The following KANK1 variants were observed in gnomAD, a reference collection of about 807,000 sequenced individuals.
KANK1 encodes the protein KN motif and ankyrin repeat domains 1.
In KANK1, 109 loss-of-function variants were observed where a neutral mutation model predicts 106.2. The observed-to-expected ratio is 1.03, with a 90% CI of 0.88 to 1.20. The LOEUF (loss-of-function observed/expected upper bound fraction) is 1.20. Ranked by LOEUF, KANK1 falls within the 50% of genes most tolerant of loss-of-function variation. The pLI is 0.00. For synonymous variants in KANK1, 873 were observed against 652.2 expected, an observed-to-expected ratio of 1.34 and a Z score of -5.16; for missense variants, 2,399 against 1,710.7, an observed-to-expected ratio of 1.40 and a Z score of -7.10.
At chr9:694,871 A>G (rs1223792202) in intron 2 of KANK1, among the ~76,000 whole-genome samples, 3 of 152,120 alleles carry the variant, frequency 2.0e-5, no homozygotes, top group Non-Finnish European at 4.4e-5. Context: ...GCAGAGGGGA[A>G]GACTGCAGGC....
chr9:724,100 C>CA lies in KANK1; in HGVS notation c.2699-5942dup, dbSNP rs911271301. On this transcript the variant is annotated intron_variant, in intron 3 of 11. Coordinates refer to ENST00000382297, the MANE Select transcript of KANK1 (RefSeq NM_015158.5). ...TGGGTGACAGAGTGAGATGCCATAT[C>CA]AAAAAAAAAGACTATTGGAGAAATT... Among the ~76,000 whole-genome samples the CA allele has an allele frequency of 1.4e-4, 21 of 149,724 alleles. 1 individual carries two copies. Among genetic ancestry groups the CA allele is most frequent in the South Asian group, 6.4e-4 (3 of 4,716 alleles).
intron 1 of KANK1, among the ~76,000 whole-genome samples, chr9:612,267 A>T (rs940578428): frequency 6.6e-6 from 1 of 152,094 alleles, no homozygotes; most frequent in Non-Finnish European, 1.5e-5. Context: ...GATTTTTGCA[A>T]TCTGTGTTTT....
chr9:637,715 G>T (rs1038447296), intron 1 of KANK1, among the ~76,000 whole-genome samples: 1 of 152,132 alleles, frequency 6.6e-6, no homozygotes, highest in Non-Finnish European at 1.5e-5. Context: ...AAGATGTTTA[G>T]AATTTTTTTA....
intron 7 of KANK1, among the ~76,000 whole-genome samples, chr9:737,399 T>A (rs369191543): frequency 1.3e-5 from 2 of 152,240 alleles, no homozygotes; most frequent in East Asian, 3.8e-4. Flanking sequence ...TTCTTTGATA[T>A]ATTTTTAAAC....
At chr9:617,823 G>C (rs1321099987) in intron 1 of KANK1, among the ~76,000 whole-genome samples, 2 of 152,202 alleles carry the variant, frequency 1.3e-5, no homozygotes, top group Admixed American at 6.5e-5. Flanking sequence ...GTTTCTCATA[G>C]GAGTAGGCTC....
At chr9:473,949 C>G (rs922712913) in intron 3 of KANK1, among the ~76,000 whole-genome samples, 1 of 148,962 alleles carries the variant, frequency 6.7e-6, no homozygotes, top group Non-Finnish European at 1.5e-5. Flanking sequence ...CTGCCCACCT[C>G]GGCCTCCCAA....
rs374803653 is a variant in KANK1 at position 738,077 on chromosome 9, T to A, written c.3334-208T>A. 9.8e-4 allele frequency among the ~76,000 whole-genome samples: 149 copies of A among 152,184 alleles called. 2 individuals are homozygous for A. The South Asian group carries it at 0.028, about 29-fold the overall frequency. ...GCATGGTGCTGTCTGGTCTCCTTTA[T>A]AGACATTAGAATCTACACGTCATTT... On this transcript the variant is annotated intron_variant, in intron 7 of 11. Coordinates refer to ENST00000382297, the MANE Select transcript of KANK1 (RefSeq NM_015158.5).
chr9:628,487 G>C (rs1834889731), intron 1 of KANK1, among the ~76,000 whole-genome samples: 1 of 152,170 alleles, frequency 6.6e-6, no homozygotes, highest in African/African-American at 2.4e-5. Flanking sequence ...TCTTAAAGTT[G>C]CCATGGAAGT....
chr9:693,844 G>T lies in KANK1; in HGVS notation c.37+16835G>T, dbSNP rs1485864993. On this transcript the variant is annotated intron_variant, in intron 2 of 11. Coordinates refer to ENST00000382297, the MANE Select transcript of KANK1 (RefSeq NM_015158.5). ...AGGAGAGCATGATGTTTGGGTGGGGGTTGGTGAAATATAAACTCGAGCTCT... is the reference window on the plus strand; with the variant it reads ...AGGAGAGCATGATGTTTGGGTGGGGTTTGGTGAAATATAAACTCGAGCTCT... 18 of 979,484 alleles carry T rather than the reference G, an allele frequency of 1.8e-5. No individual in the cohort carries two copies. In the East Asian group the frequency reaches 1.9e-3, roughly 105 times the overall value. 60.7% of individuals were successfully genotyped at this position (979,484 alleles called of 1,614,324 possible).
chr9:684,148 G>T, intron 2 of KANK1: 1 of 984,812 alleles, frequency 1.0e-6, no homozygotes, highest in Non-Finnish European at 1.2e-6. Flanking sequence ...GTTTTAACCT[G>T]TAGCCAGCTT....
At chr9:570,215 A>G (rs368620572) in intron 1 of KANK1, among the ~76,000 whole-genome samples, 1 of 152,188 alleles carries the variant, frequency 6.6e-6, no homozygotes, top group African/African-American at 2.4e-5. Context: ...TTTGGGGACA[A>G]AATGTTTTTG....
rs138870324 is a variant in KANK1 at position 744,524 on chromosome 9, G to T, written c.3931G>T (p.Ala1311Ser). 6 of 1,614,154 alleles carry T rather than the reference G, an allele frequency of 3.7e-6. No homozygotes were observed. In the East Asian group the frequency reaches 1.3e-4, roughly 36 times the overall value. Residue 1311 changes from alanine to serine, a missense_variant, in exon 11 of 12, where the codon GCA (alanine) becomes TCA (serine). Coordinates refer to ENST00000382297, the MANE Select transcript of KANK1 (RefSeq NM_015158.5). Reference sequence around the variant, plus strand: ...CACTGCGCTCTCAATCGCCCTGGAAGCAGGACACAAGGACATCGCTGTTCT... The same window carrying T: ...CACTGCGCTCTCAATCGCCCTGGAATCAGGACACAAGGACATCGCTGTTCT... ...GSTALSIALE[A>S]GHKDIAVLLY...
At position 712,993 on chromosome 9, in the gene KANK1, T is replaced by C; in HGVS notation, c.2227T>C (p.Ser743Pro). 1 of 1,614,188 alleles carries C rather than the reference T, an allele frequency of 6.2e-7. No individual in the cohort carries two copies. Among genetic ancestry groups the C allele is most frequent in the Non-Finnish European group, 8.5e-7 (1 of 1,180,036 alleles). Residue 743 changes from serine (S) to proline (P), a missense_variant, in exon 3 of 12, where the codon TCT (serine) becomes CCT (proline). Physicochemically the swap from Ser to Pro is moderately conservative, Grantham distance 74 (BLOSUM62 -1). Coordinates refer to ENST00000382297, the MANE Select transcript of KANK1 (RefSeq NM_015158.5). ...GTCCATTGGTGTTGGAACGTTGCTT[T>C]CTGGCCATTCTGGGTTTGACAGGCC... ...TRSIGVGTLL[S>P]GHSGFDRPSA...
chr9:621,335 T>C (rs1227503288), intron 1 of KANK1, among the ~76,000 whole-genome samples: 2 of 152,170 alleles, frequency 1.3e-5, no homozygotes, highest in Non-Finnish European at 2.9e-5. Flanking sequence ...CTGACTGTAG[T>C]AAAAACAAGT....
intron 7 of KANK1, among the ~76,000 whole-genome samples, chr9:736,918 C>G (rs1040634384): frequency 1.3e-5 from 2 of 152,162 alleles, no homozygotes; most frequent in Non-Finnish European, 1.5e-5. Context: ...TCACTGTTCT[C>G]AAAATACTAG....
intron 3 of KANK1, among the ~76,000 whole-genome samples, chr9:716,524 T>TA (rs1280486888): frequency 6.6e-6 from 1 of 152,238 alleles, no homozygotes; most frequent in Non-Finnish European, 1.5e-5. Context: ...AGTACATAGA[T>TA]AACAATGGGA....
intron 1 of KANK1, among the ~76,000 whole-genome samples, chr9:667,345 G>T (rs910313154): frequency 2.0e-5 from 3 of 150,174 alleles, no homozygotes; most frequent in Non-Finnish European, 3.0e-5. Context: ...AGTTTTGTCA[G>T]TTTTTTTTTA....
intron 1 of KANK1, among the ~76,000 whole-genome samples, chr9:610,343 A>G (rs1044162577): frequency 5.3e-5 from 8 of 152,154 alleles, no homozygotes; most frequent in Non-Finnish European, 8.8e-5. Flanking sequence ...AAAGTGAACC[A>G]TGATGAGACC....
At chr9:732,723 T>C in intron 6 of KANK1, 106 bp downstream of exon 6, 1 of 1,305,322 alleles carries the variant, frequency 7.7e-7, no homozygotes, top group Non-Finnish European at 1.1e-6. Context: ...TGCTTTTATC[T>C]GTTCCTCAGA....
Sources: gnomAD v4.1 joint callset for allele counts (sites outside exome capture counted in the v4.1 genomes callset) on GRCh38, gnomAD v4.1.1 for gene constraint, MANE v1.5 for transcripts, NCBI Gene and HGNC (gene_info 2026-07-23, HGNC 2026-07-21) for gene names.